TMEM135: variants seen among roughly 807,000 people sequenced by gnomAD.
TMEM135 encodes the protein transmembrane protein 135, also known as peroxisomal membrane protein 52.
In TMEM135, 30 loss-of-function variants were observed where a neutral mutation model predicts 60.3. That is an observed-to-expected ratio of 0.50 (90% confidence interval 0.37 to 0.68). TMEM135 has a LOEUF of 0.68. TMEM135 is among the 30% of genes least tolerant of loss of function. The pLI, the probability that TMEM135 is intolerant of heterozygous loss-of-function variation, is 0.00. For missense variants in TMEM135, 468 were observed against 548.8 expected (o/e 0.85, Z 1.47); for synonymous variants, 190 against 186.7 (o/e 1.02, Z -0.14).
chr11:87,135,771 T>C (rs1306979385), intron 4 of TMEM135, among the ~76,000 whole-genome samples: 1 of 152,116 alleles, frequency 6.6e-6, no homozygotes, highest in Non-Finnish European at 1.5e-5. Flanking sequence ...AATTTTTGTA[T>C]AAAAAGCCTT....
At chr11:87,277,268 A>G (rs1311071014) in intron 6 of TMEM135, 1 of 390,122 alleles carries the variant, frequency 2.6e-6, no homozygotes, top group Non-Finnish European at 5.1e-6. Flanking sequence ...AGTAGCTGGG[A>G]TTACAGATTT....
chr11:87,211,730 T>TA (rs1415777083), intron 5 of TMEM135, among the ~76,000 whole-genome samples: 1 of 152,150 alleles, frequency 6.6e-6, no homozygotes, highest in Non-Finnish European at 1.5e-5. Context: ...CAGGATAGTT[T>TA]ACTGTTTAAG....
chr11:87,300,794 C>G (rs530206780), intron 7 of TMEM135, among the ~76,000 whole-genome samples: 1 of 152,316 alleles, frequency 6.6e-6, no homozygotes, highest in South Asian at 2.1e-4. Flanking sequence ...TAAAATGGCA[C>G]GTACATTACT....
chr11:87,302,226 A>G (rs1206859336), intron 7 of TMEM135, 70 bp from the exon 8 acceptor site: 1 of 1,515,936 alleles, frequency 6.6e-7, no homozygotes, highest in East Asian at 2.3e-5. Context: ...GTTTATAAAC[A>G]AAGTCTTTTT....
At chr11:87,279,728 G>A (rs2135419122) in intron 6 of TMEM135, among the ~76,000 whole-genome samples, 1 of 152,308 alleles carries the variant, frequency 6.6e-6, no homozygotes, top group Non-Finnish European at 1.5e-5. Flanking sequence ...TCCACCTCAT[G>A]TAACTTATTG....
intron 6 of TMEM135, among the ~76,000 whole-genome samples, chr11:87,248,090 C>T (rs1019461985): frequency 6.6e-6 from 1 of 151,522 alleles, no homozygotes; most frequent in African/African-American, 2.4e-5. Flanking sequence ...TTTGTTTATC[C>T]ATTCATGTGT....
At chr11:87,090,075 C>T (rs531695937) in intron 3 of TMEM135, among the ~76,000 whole-genome samples, 55 of 152,084 alleles carry the variant, frequency 3.6e-4, no homozygotes, top group Non-Finnish European at 6.0e-4. Context: ...TGCTGAAATG[C>T]ATTAGGATCT....
chr11:87,209,866 G>T (rs192362402), intron 5 of TMEM135, among the ~76,000 whole-genome samples: 18 of 152,156 alleles, frequency 1.2e-4, no homozygotes, highest in Admixed American at 6.5e-4. Context: ...TTACCAAGAA[G>T]ATCTGTTAAA....
intron 5 of TMEM135, among the ~76,000 whole-genome samples, chr11:87,236,137 C>A (rs534146856): frequency 6.6e-6 from 1 of 151,726 alleles, no homozygotes; most frequent in Non-Finnish European, 1.5e-5. Flanking sequence ...TTAGCTGTTC[C>A]CTTTTTTGTG....
At chr11:87,093,631 A>G (rs927170842) in intron 4 of TMEM135, among the ~76,000 whole-genome samples, 1 of 152,122 alleles carries the variant, frequency 6.6e-6, no homozygotes, top group Non-Finnish European at 1.5e-5. Context: ...CCTGGGTTCA[A>G]GTGATTCTCC....
Position 87,038,053 on chromosome 11 carries a change from C to T in TMEM135, c.8C>T (p.Ala3Val), listed in dbSNP as rs1342270324. The stretch of plus-strand genomic sequence containing the variant: ...TCCGCGCTGTTCCTCGTCATGGCGG[C>T]CCTCAGCAAGTCCATCCCTCATAAC... MA[A>V]LSKSIPHNCY... Residue 3 changes from alanine (A) to valine (V), a missense_variant, in exon 1 of 15, where the codon GCC becomes GTC. Ala to Val is a moderately conservative substitution (Grantham distance 64). Transcript: ENST00000305494. The T allele has an allele frequency of 6.2e-7, 1 of 1,613,948 alleles. No homozygotes were observed. The highest frequency in any genetic ancestry group is 1.3e-5 in the African/African-American group (1 of 74,932).
chr11:87,276,970 C>T (rs1401269801), intron 6 of TMEM135, among the ~76,000 whole-genome samples: 5 of 146,496 alleles, frequency 3.4e-5, no homozygotes, highest in Non-Finnish European at 4.6e-5. Flanking sequence ...CTTTACCTGG[C>T]TTTTTTTTAA....
intron 6 of TMEM135, among the ~76,000 whole-genome samples, chr11:87,274,628 T>C (rs58680132): frequency 8.7e-4 from 132 of 152,262 alleles, no homozygotes; most frequent in African/African-American, 3.0e-3. Context: ...TTCAACTCCA[T>C]GTCCTCATAT....
Position 87,324,781 on chromosome 11 carries a change from T to G in TMEM135, c.*3448T>G. On this transcript the variant is annotated 3_prime_UTR_variant, in exon 15 of 15. Coordinates refer to ENST00000305494, the MANE Select transcript of TMEM135 (RefSeq NM_022918.4). ...GTAGTTTGACACAGCAACAAAGTTG[T>G]CCTTTGTTTCCCAAAGGCAAAAGTA... 2.2e-6 allele frequency: 1 copy of G among 453,976 alleles called. No individual in the cohort carries two copies. Among genetic ancestry groups the G allele is most frequent in the Non-Finnish European group, 4.4e-6 (1 of 226,758 alleles). 28.1% of individuals were successfully genotyped at this position (453,976 alleles called of 1,614,324 possible).
chr11:87,040,259 A>G (rs541348684), intron 1 of TMEM135, among the ~76,000 whole-genome samples: 1 of 152,346 alleles, frequency 6.6e-6, no homozygotes, highest in South Asian at 2.1e-4. Flanking sequence ...GGGTGGGGCT[A>G]CTTGGAGCAT....
At chr11:87,115,389 A>G (rs147578425) in intron 4 of TMEM135, among the ~76,000 whole-genome samples, 1,527 of 152,262 alleles carry the variant, frequency 0.01, 11 homozygotes, top group Non-Finnish European at 0.014. Flanking sequence ...CATTTCAAGT[A>G]GAACATTTTA....
At chr11:87,291,515 A>ATTT (rs869273724) in intron 6 of TMEM135, among the ~76,000 whole-genome samples, 853 of 50,578 alleles carry the variant, frequency 0.017, 140 homozygotes, top group Middle Eastern at 0.028. Flanking sequence ...CAGCCAAGTG[A>ATTT]TTTTTTTTTT....
chr11:87,152,225 T>G (rs1938574917), intron 4 of TMEM135, among the ~76,000 whole-genome samples: 1 of 152,210 alleles, frequency 6.6e-6, no homozygotes. Context: ...TGATATTTTT[T>G]GTGTTCTGTC....
intron 4 of TMEM135, among the ~76,000 whole-genome samples, chr11:87,148,642 A>T (rs912632502): frequency 3.3e-5 from 5 of 152,142 alleles, no homozygotes; most frequent in African/African-American, 1.2e-4. Flanking sequence ...AGCCTGACCT[A>T]CAGGAGGACT....
Sources: gnomAD v4.1 joint callset for allele counts (sites outside exome capture counted in the v4.1 genomes callset) on GRCh38, gnomAD v4.1.1 for gene constraint, MANE v1.5 for transcripts, NCBI Gene and HGNC (gene_info 2026-07-23, HGNC 2026-07-21) for gene names.